MAP3K4: variants seen among roughly 807,000 people sequenced by gnomAD.
MAP3K4 encodes the protein MAP three kinase 1.
In MAP3K4, 67 loss-of-function variants were observed where a neutral mutation model predicts 185.6. That is an observed-to-expected ratio of 0.36 (90% CI 0.30 to 0.44). The LOEUF (loss-of-function observed/expected upper bound fraction) is 0.44, where lower values mean the gene tolerates loss of function less well. Ranked by LOEUF, MAP3K4 falls within the 20% of genes least tolerant of loss-of-function variation. The pLI, the probability that MAP3K4 is intolerant of heterozygous loss-of-function variation, is 1.00. For synonymous variants in MAP3K4, 702 were observed against 710.4 expected (o/e 0.99, Z 0.19); for missense variants, 1,551 against 1,995.1 (o/e 0.78, Z 4.24).
Position 161,109,523 on chromosome 6 carries a change from T to G in MAP3K4, c.4237-232T>G, listed in dbSNP as rs1778252390. ...ATTGATCCCCTGTGATTTGGAGATG[T>G]TCTTATCCCCAAGAGCTGTATAATT... is the stretch of plus-strand genomic sequence containing the variant. On this transcript the variant is annotated intron_variant, in intron 22 of 26. Coordinates refer to ENST00000392142, the MANE Select transcript of MAP3K4 (RefSeq NM_005922.4). This position sits in a 1 kb window ranked among gnomAD's most constrained non-coding sequence, Gnocchi z 5.7. Among the ~76,000 whole-genome samples, 1 of 152,196 alleles carries G rather than the reference T, an allele frequency of 6.6e-6. No individual in the cohort carries two copies. Among genetic ancestry groups the G allele is most frequent in the South Asian group, 2.1e-4 (1 of 4,830 alleles).
intron 3 of MAP3K4, among the ~76,000 whole-genome samples, chr6:161,065,877 G>A (rs1417130376): frequency 1.5e-5 from 2 of 137,558 alleles, no homozygotes; most frequent in Non-Finnish European, 3.0e-5. Flanking sequence ...GGCGGAGCTT[G>A]CAGTGAGCCG....
At chr6:161,055,556 C>G (rs1460415638) in intron 3 of MAP3K4, among the ~76,000 whole-genome samples, 1 of 152,112 alleles carries the variant, frequency 6.6e-6, no homozygotes. Context: ...GTGCTGTTAA[C>G]TAAACTACAG....
intron 1 of MAP3K4, among the ~76,000 whole-genome samples, chr6:160,997,782 T>C (rs1484243113): frequency 6.6e-6 from 1 of 152,178 alleles, no homozygotes; most frequent in African/African-American, 2.4e-5. Flanking sequence ...TGCCCTCTTC[T>C]TACAGATGCC....
At chr6:161,001,943 A>ACCAAATAT (rs1406408732) in intron 1 of MAP3K4, among the ~76,000 whole-genome samples, 7 of 152,070 alleles carry the variant, frequency 4.6e-5, no homozygotes, top group Non-Finnish European at 8.8e-5. Flanking sequence ...TTAAAAAGCC[A>ACCAAATAT]CCAAATATGC....
Position 161,088,876 on chromosome 6 carries a change from G to A in MAP3K4, c.2824-446G>A, listed in dbSNP as rs561603857. Among the ~76,000 whole-genome samples, 8 of 152,244 alleles carry A rather than the reference G, an allele frequency of 5.3e-5. No homozygotes were observed. The highest frequency in any genetic ancestry group is 1.7e-4 in the African/African-American group (7 of 41,524). ...ACAGATCTACTTAAAATACTGCAAA[G>A]ATTCTTCATCTCTTAAGAACAAAAG... On this transcript the variant is annotated intron_variant, in intron 10 of 26. Coordinates refer to ENST00000392142, the MANE Select transcript of MAP3K4 (RefSeq NM_005922.4). The surrounding 1 kb of genome is among the most constrained non-coding windows in gnomAD (Gnocchi z 4.5).
chr6:161,096,205 CTCTT>C lies in MAP3K4; in HGVS notation c.3428-874_3428-871del, dbSNP rs1023993596. On this transcript the variant is annotated intron_variant, in intron 15 of 26. Coordinates refer to ENST00000392142, the MANE Select transcript of MAP3K4 (RefSeq NM_005922.4). The surrounding 1 kb of genome is among the most constrained non-coding windows in gnomAD (Gnocchi z 4.9). ...CTCTCCATTTTTACTACTTCTGTCT[CTCTT>C]GTTTCCCCTTATTAATAGGAAACAA... 1.3e-5 allele frequency among the ~76,000 whole-genome samples: 2 copies of C among 152,108 alleles called. No homozygotes were observed. The highest frequency in any genetic ancestry group is 2.9e-5 in the Non-Finnish European group (2 of 68,032).
In MAP3K4 at chr6:161,084,454, T is replaced by C. The variant is rs373052864; in HGVS notation, c.2256-47T>C. The C allele has an allele frequency of 9.5e-5, 85 of 896,222 alleles. No individual in the cohort carries two copies. The highest frequency in any genetic ancestry group is 6.0e-4 in the East Asian group (25 of 41,596). 55.5% of individuals were successfully genotyped at this position (896,222 alleles called of 1,614,324 possible). A position where few individuals can be genotyped will look rare whatever the true frequency, so the allele number is the denominator to read the frequency against. On this transcript the variant is annotated intron_variant, in intron 6 of 26. Transcript: ENST00000392142. This position sits in a 1 kb window ranked among gnomAD's most constrained non-coding sequence, Gnocchi z 4.6. ...TCTCAGTCAAGAATTAGGCTATGAG[T>C]AGGGACAGTTTTCTTCTCTGTTTTA...
Position 161,050,508 on chromosome 6 carries a change from G to A in MAP3K4, c.1707+529G>A, listed in dbSNP as rs563999940. ...AAGGGGAAAAAGCCAACACTATCTC[G>A]CAAGGTTAAAGTGTTCGGTGCAGGT... On this transcript the variant is annotated intron_variant, in intron 3 of 26. Transcript: ENST00000392142. Among the ~76,000 whole-genome samples the A allele has an allele frequency of 4.6e-5, 7 of 152,308 alleles. No individual in the cohort carries two copies. The East Asian group carries it at 7.7e-4, about 17-fold the overall frequency.
In MAP3K4 at chr6:161,087,538, C is replaced by A; in HGVS notation, c.2557-150C>A. 1.3e-6 allele frequency: 1 copy of A among 741,782 alleles called. No homozygotes were observed. Among genetic ancestry groups the A allele is most frequent in the Non-Finnish European group, 2.3e-6 (1 of 440,406 alleles). The allele number at this position is 741,782 out of a possible 1,614,324, so 46.0% of individuals were successfully genotyped here. ...CCTGCCTCCTTCAGTCACACTGAAG[C>A]CGGCTACCTGCAGTTCCCTCACTGC... On this transcript the variant is annotated intron_variant, in intron 9 of 26. Coordinates refer to ENST00000392142, the MANE Select transcript of MAP3K4 (RefSeq NM_005922.4). The surrounding 1 kb of genome is among the most constrained non-coding windows in gnomAD (Gnocchi z 4.9).
chr6:161,097,115 C>A lies in MAP3K4; in HGVS notation c.3463C>A (p.Pro1155Thr). 1 of 1,614,100 alleles carries A rather than the reference C, an allele frequency of 6.2e-7. No individual in the cohort carries two copies. Among genetic ancestry groups the A allele is most frequent in the Non-Finnish European group, 8.5e-7 (1 of 1,180,000 alleles). The stretch of plus-strand genomic sequence containing the variant: ...GAACAGCCCCCGTCCTATGAAGGTA[C>A]CTCGATGCCATAGTGACCCTCCTAA... The part of the protein sequence containing the change: ...HRNSPRPMKV[P>T]RCHSDPPNPH... Residue 1155 changes from proline to threonine, a missense_variant, in exon 16 of 27, where the codon CCT (proline) becomes ACT (threonine). By Grantham distance (38) the Pro-to-Thr change is conservative. Transcript: ENST00000392142. This position sits in a 1 kb window ranked among gnomAD's most constrained non-coding sequence, Gnocchi z 4.9.
chr6:161,003,907 T>C (rs1374960273), intron 1 of MAP3K4, among the ~76,000 whole-genome samples: 1 of 147,074 alleles, frequency 6.8e-6, no homozygotes, highest in Non-Finnish European at 1.5e-5. Context: ...TCCATTTTTA[T>C]AAATTAGATG....
chr6:161,101,902 G>T lies in MAP3K4; in HGVS notation c.3685G>T (p.Val1229Phe), dbSNP rs148732346. 50 of 1,613,478 alleles carry T rather than the reference G, an allele frequency of 3.1e-5. No homozygotes were observed. The highest frequency in any genetic ancestry group is 4.2e-5 in the Non-Finnish European group (49 of 1,179,606). ...SSAHDTRGSSVPENDRLASIA... is the reference protein window; with the variant it reads ...SSAHDTRGSSFPENDRLASIA... Reference sequence around the variant, plus strand: ...AAAATATTAAAACAGGGGTTCCAGCGTTCCTGAAAATGATCGATTGGCTTC... The same window carrying T: ...AAAATATTAAAACAGGGGTTCCAGCTTTCCTGAAAATGATCGATTGGCTTC... Residue 1229 changes from valine (V) to phenylalanine (F), a missense_variant, in exon 18 of 27, where the codon GTT becomes TTT. Coordinates refer to ENST00000392142, the MANE Select transcript of MAP3K4 (RefSeq NM_005922.4). This position sits in a 1 kb window ranked among gnomAD's most constrained non-coding sequence, Gnocchi z 5.1.
Position 161,064,858 on chromosome 6 carries a change from C to T in MAP3K4, c.1708-5750C>T, listed in dbSNP as rs1359146937. ...GCCTACAGGCCGCTCATGCAGAGGT[C>T]AGGAAGTGCAGACAGGGAGAGAGGG... On this transcript the variant is annotated intron_variant, in intron 3 of 26. Coordinates refer to ENST00000392142, the MANE Select transcript of MAP3K4 (RefSeq NM_005922.4). This position sits in a 1 kb window ranked among gnomAD's most constrained non-coding sequence, Gnocchi z 4.3. 6.6e-6 allele frequency among the ~76,000 whole-genome samples: 1 copy of T among 152,142 alleles called. No homozygotes were observed. The highest frequency in any genetic ancestry group is 1.5e-5 in the Non-Finnish European group (1 of 68,040).
At position 161,082,040 on chromosome 6, in the gene MAP3K4, A is replaced by G. The variant is rs1183144971; in HGVS notation, c.2255+1002A>G. On this transcript the variant is annotated intron_variant, in intron 6 of 26. Transcript: ENST00000392142. This position sits in a 1 kb window ranked among gnomAD's most constrained non-coding sequence, Gnocchi z 4.2. ...GTTCTTGACTCTGCCGATTTCTCCT[A>G]TGTTCAGTCTCGGAATCTCGTATCC... 3.3e-5 allele frequency among the ~76,000 whole-genome samples: 5 copies of G among 151,274 alleles called. No individual in the cohort carries two copies. The highest frequency in any genetic ancestry group is 4.9e-5 in the African/African-American group (2 of 41,102).
chr6:161,018,154 A>C (rs2115102230), intron 1 of MAP3K4, among the ~76,000 whole-genome samples: 1 of 152,250 alleles, frequency 6.6e-6, no homozygotes, highest in African/African-American at 2.4e-5. Flanking sequence ...GAACTTGCTG[A>C]GTGGAGGAAG....
chr6:161,116,898 T>C lies in MAP3K4; in HGVS notation c.*28T>C, dbSNP rs751112486. 1.9e-6 allele frequency: 3 copies of C among 1,605,278 alleles called. No individual in the cohort carries two copies. Among genetic ancestry groups the C allele is most frequent in the Admixed American group, 1.7e-5 (1 of 59,996 alleles). On this transcript the variant is annotated 3_prime_UTR_variant, in exon 27 of 27. Transcript: ENST00000392142. This position sits in a 1 kb window ranked among gnomAD's most constrained non-coding sequence, Gnocchi z 6.2. ...CCTAGTAGAATATGGACTTGGAAAA[T>C]TCTCTTAATCACTACTGTATGTAAT...
intron 2 of MAP3K4, among the ~76,000 whole-genome samples, chr6:161,039,279 C>CAA (rs3050259): frequency 0.14 from 10,001 of 71,840 alleles, 762 homozygotes; most frequent in East Asian, 0.23. Context: ...CGCAAAAATG[C>CAA]AAAAAAAAAA....
rs1293130796 is a variant in MAP3K4, at chr6:161,075,484, C to A, written c.2097+1872C>A. 6.6e-6 allele frequency among the ~76,000 whole-genome samples: 1 copy of A among 152,160 alleles called. No homozygotes were observed. The highest frequency in any genetic ancestry group is 2.4e-5 in the African/African-American group (1 of 41,434). ...TATATATTTCTTATGTCAAAAAAAT[C>A]TTTATCTTGAAAAGTTGTGGAAAAA... is the stretch of plus-strand genomic sequence containing the variant. On this transcript the variant is annotated intron_variant, in intron 5 of 26. Coordinates refer to ENST00000392142, the MANE Select transcript of MAP3K4 (RefSeq NM_005922.4). The surrounding 1 kb of genome is among the most constrained non-coding windows in gnomAD (Gnocchi z 4.3).
chr6:161,064,827 C>T lies in MAP3K4; in HGVS notation c.1708-5781C>T, dbSNP rs1482838318. On this transcript the variant is annotated intron_variant, in intron 3 of 26. Coordinates refer to ENST00000392142, the MANE Select transcript of MAP3K4 (RefSeq NM_005922.4). The surrounding 1 kb of genome is among the most constrained non-coding windows in gnomAD (Gnocchi z 4.3). ...TTACTTGCAGGTTCTGGAGGGTACA[C>T]GGCACGCCTACAGGCCGCTCATGCA... Among the ~76,000 whole-genome samples the T allele has an allele frequency of 6.6e-6, 1 of 152,146 alleles. No individual in the cohort carries two copies. The highest frequency in any genetic ancestry group is 6.5e-5 in the Admixed American group (1 of 15,280).
Sources: gnomAD v4.1 joint callset for allele counts (sites outside exome capture counted in the v4.1 genomes callset) on GRCh38, gnomAD v4.1.1 for gene constraint, Gnocchi (gnomAD v3.1) non-coding constraint, MANE v1.5 for transcripts, NCBI Gene and HGNC (gene_info 2026-07-23, HGNC 2026-07-21) for gene names.